The following CAMKMT variants were observed in gnomAD, a reference collection of about 807,000 sequenced individuals.
CAMKMT encodes the protein CaM KMT.
A neutral mutation model predicts 48.0 loss-of-function variants in CAMKMT; 53 were observed. The observed-to-expected ratio is 1.10, with a 90% CI of 0.89 to 1.39. CAMKMT has a LOEUF of 1.39. Ranked by LOEUF, CAMKMT falls within the 40% of genes most tolerant of loss-of-function variation. The pLI, the probability that CAMKMT is intolerant of heterozygous loss-of-function variation, is 0.00. For missense variants in CAMKMT, 428 were observed against 402.7 expected (o/e 1.06, Z -0.54); for synonymous variants, 165 against 152.3 (o/e 1.08, Z -0.61).
At chr2:44,482,877 A>G (rs534880209) in intron 3 of CAMKMT, among the ~76,000 whole-genome samples, 19 of 152,256 alleles carry the variant, frequency 1.2e-4, no homozygotes, top group South Asian at 2.1e-4. Flanking sequence ...CATTGTCTTC[A>G]TGTGCATCTA....
chr2:44,699,426 A>G (rs1677140299), intron 3 of CAMKMT, among the ~76,000 whole-genome samples: 1 of 152,176 alleles, frequency 6.6e-6, no homozygotes, highest in Non-Finnish European at 1.5e-5. Flanking sequence ...GTGCATTGTC[A>G]ATGAGCAGTA....
intron 2 of CAMKMT, among the ~76,000 whole-genome samples, chr2:44,385,584 C>T (rs1424687796): frequency 6.6e-6 from 1 of 152,086 alleles, no homozygotes; most frequent in Non-Finnish European, 1.5e-5. Flanking sequence ...AGCTTTTCCC[C>T]ATTCAGTATT....
At chr2:44,765,338 A>G (rs73924553) in intron 9 of CAMKMT, among the ~76,000 whole-genome samples, 3,290 of 152,222 alleles carry the variant, frequency 0.022, 103 homozygotes, top group African/African-American at 0.075. Flanking sequence ...GAGGATATTC[A>G]TATGAATGCC....
intron 3 of CAMKMT, among the ~76,000 whole-genome samples, chr2:44,610,114 C>G (rs1301848980): frequency 6.6e-6 from 1 of 152,058 alleles, no homozygotes; most frequent in African/African-American, 2.4e-5. Flanking sequence ...AGTGAAGAGG[C>G]TACATTTCTG....
chr2:44,499,878 G>C (rs1669926018), intron 3 of CAMKMT, among the ~76,000 whole-genome samples: 1 of 152,132 alleles, frequency 6.6e-6, no homozygotes, highest in Non-Finnish European at 1.5e-5. Context: ...GTCTTTCCAT[G>C]TTTCATTCAT....
At chr2:44,761,172 G>A (rs1341529101) in intron 9 of CAMKMT, among the ~76,000 whole-genome samples, 1 of 152,212 alleles carries the variant, frequency 6.6e-6, no homozygotes, top group Non-Finnish European at 1.5e-5. Flanking sequence ...CACAAGGGCA[G>A]GGAGTCTAAC....
At chr2:44,420,178 C>G (rs1323653244) in intron 3 of CAMKMT, among the ~76,000 whole-genome samples, 1 of 152,072 alleles carries the variant, frequency 6.6e-6, no homozygotes, top group African/African-American at 2.4e-5. Context: ...TGAAAAATTT[C>G]TAAGGATCAC....
At chr2:44,530,073 T>G (rs1170221090) in intron 3 of CAMKMT, among the ~76,000 whole-genome samples, 1 of 152,194 alleles carries the variant, frequency 6.6e-6, no homozygotes, top group Non-Finnish European at 1.5e-5. Flanking sequence ...CATGGAAGAC[T>G]GTCAATATTT....
At chr2:44,462,307 T>C (rs1473924761) in intron 3 of CAMKMT, among the ~76,000 whole-genome samples, 1 of 152,166 alleles carries the variant, frequency 6.6e-6, no homozygotes, top group African/African-American at 2.4e-5. Flanking sequence ...AGTTAACATT[T>C]TGGTAATCAT....
At chr2:44,485,212 C>T (rs1669158073) in intron 3 of CAMKMT, among the ~76,000 whole-genome samples, 1 of 152,044 alleles carries the variant, frequency 6.6e-6, no homozygotes, top group Admixed American at 6.5e-5. Flanking sequence ...TATAGTAGAC[C>T]CTACAAAAAT....
intron 3 of CAMKMT, 112 bp from the exon 4 acceptor site, chr2:44,704,171 C>A: frequency 6.6e-6 from 4 of 607,242 alleles, no homozygotes; most frequent in South Asian, 3.7e-5. Flanking sequence ...TAAGTAATAA[C>A]AATGTTGTTT....
intron 3 of CAMKMT, among the ~76,000 whole-genome samples, chr2:44,587,439 C>T (rs1669918666): frequency 1.5e-5 from 2 of 137,074 alleles, no homozygotes; most frequent in African/African-American, 3.2e-5. Context: ...TCTCCCTCTC[C>T]CTCCCCCTCC....
intron 3 of CAMKMT, among the ~76,000 whole-genome samples, chr2:44,416,649 C>T (rs1287358798): frequency 7.2e-6 from 1 of 139,258 alleles, no homozygotes; most frequent in East Asian, 2.1e-4. Flanking sequence ...TCTTGGCTCA[C>T]TGCAACCTGT....
intron 3 of CAMKMT, among the ~76,000 whole-genome samples, chr2:44,650,016 G>T (rs1673968241): frequency 6.6e-6 from 1 of 152,110 alleles, no homozygotes; most frequent in African/African-American, 2.4e-5. Context: ...ATTCCTATCT[G>T]GTTTGGTCTT....
At chr2:44,387,115 A>G (rs998453446) in intron 2 of CAMKMT, among the ~76,000 whole-genome samples, 1 of 152,098 alleles carries the variant, frequency 6.6e-6, no homozygotes, top group Non-Finnish European at 1.5e-5. Context: ...TCAGTGGAGT[A>G]TTGAAGTCCT....
intron 3 of CAMKMT, among the ~76,000 whole-genome samples, chr2:44,518,080 G>A (rs1356557584): frequency 5.9e-5 from 9 of 152,160 alleles, no homozygotes; most frequent in Non-Finnish European, 1.3e-4. Flanking sequence ...GGGAAATTGA[G>A]GAAGTGCTGC....
intron 7 of CAMKMT, among the ~76,000 whole-genome samples, chr2:44,731,314 C>G (rs1679067716): frequency 6.6e-6 from 1 of 152,148 alleles, no homozygotes; most frequent in African/African-American, 2.4e-5. Flanking sequence ...GCACTCCACC[C>G]TGGGTGACAG....
At chr2:44,451,685 A>G (rs1667294544) in intron 3 of CAMKMT, among the ~76,000 whole-genome samples, 1 of 151,912 alleles carries the variant, frequency 6.6e-6, no homozygotes, top group South Asian at 2.1e-4. Flanking sequence ...CTTGTGAAAT[A>G]TGTTTACCTT....
chr2:44,688,350 A>C (rs900052998), intron 3 of CAMKMT, among the ~76,000 whole-genome samples: 3 of 152,184 alleles, frequency 2.0e-5, no homozygotes, highest in African/African-American at 7.2e-5. Flanking sequence ...GCAGCAGCAG[A>C]AATTTTTGGA....
Sources: gnomAD v4.1 joint callset for allele counts (sites outside exome capture counted in the v4.1 genomes callset) on GRCh38, gnomAD v4.1.1 for gene constraint, MANE v1.5 for transcripts, NCBI Gene and HGNC (gene_info 2026-07-23, HGNC 2026-07-21) for gene names.